The following CLOCK variants were observed in gnomAD, a reference collection of about 807,000 sequenced individuals.
CLOCK encodes clock circadian regulator, also known as circadian locomoter output cycles protein kaput.
CLOCK carries 43 observed loss-of-function variants against 118.4 expected under a neutral mutation model. The observed-to-expected ratio is 0.36, with a 90% confidence interval of 0.28 to 0.47. The LOEUF (loss-of-function observed/expected upper bound fraction) is 0.47. Ranked by LOEUF, CLOCK falls within the 20% of genes least tolerant of loss-of-function variation. The pLI, the probability that CLOCK is intolerant of heterozygous loss-of-function variation, is 1.00. For synonymous variants in CLOCK, 326 were observed against 339.2 expected (o/e 0.96, Z 0.43); for missense variants, 846 against 999.9 (o/e 0.85, Z 2.08).
intron 18 of CLOCK, among the ~76,000 whole-genome samples, chr4:55,448,527 A>C (rs957292531): frequency 2.0e-4 from 31 of 152,164 alleles, no homozygotes; most frequent in African/African-American, 7.2e-4. Context: ...ATGTCCCCAG[A>C]TATCCTAAAT....
intron 1 of CLOCK, chr4:55,545,580 G>A (rs1247173563): frequency 1.3e-5 from 2 of 152,096 alleles, no homozygotes; most frequent in African/African-American, 4.8e-5. Context: ...AAGTCTAATA[G>A]CACGGCATTC....
chr4:55,468,360 C>T (rs775620740), intron 8 of CLOCK, among the ~76,000 whole-genome samples: 1 of 152,108 alleles, frequency 6.6e-6, no homozygotes, highest in Admixed American at 6.5e-5. Flanking sequence ...AAAACTCCCC[C>T]CAAAAGCCTA....
At chr4:55,503,843 G>C (rs1728588257) in intron 2 of CLOCK, among the ~76,000 whole-genome samples, 1 of 151,816 alleles carries the variant, frequency 6.6e-6, no homozygotes, top group Admixed American at 6.6e-5. Flanking sequence ...CTTGAAGCTA[G>C]AGTTATCCAA....
chr4:55,543,202 T>C (rs1387847141), intron 1 of CLOCK, among the ~76,000 whole-genome samples: 2 of 152,218 alleles, frequency 1.3e-5, no homozygotes, highest in Admixed American at 6.5e-5. Flanking sequence ...ATTAAATCTA[T>C]ACCAGATAAA....
chr4:55,471,630 T>C (rs1443012737), intron 7 of CLOCK, among the ~76,000 whole-genome samples: 3 of 152,176 alleles, frequency 2.0e-5, no homozygotes, highest in Non-Finnish European at 2.9e-5. Context: ...TTAATAAAAA[T>C]GCAATTTTGT....
chr4:55,542,373 ATAATAATAT>A (rs781305123), intron 1 of CLOCK, among the ~76,000 whole-genome samples: 2,425 of 47,546 alleles, frequency 0.051, 64 homozygotes, highest in African/African-American at 0.17. Context: ...AATAATAATA[ATAATAATAT>A]TATTATTATT....
At chr4:55,493,992 C>T (rs1009979187) in intron 2 of CLOCK, among the ~76,000 whole-genome samples, 5 of 152,106 alleles carry the variant, frequency 3.3e-5, no homozygotes, top group East Asian at 1.9e-4. Context: ...ACTATTCCAA[C>T]GATTCAACTA....
intron 2 of CLOCK, among the ~76,000 whole-genome samples, chr4:55,492,670 C>T (rs1727796896): frequency 6.6e-6 from 1 of 152,020 alleles, no homozygotes; most frequent in African/African-American, 2.4e-5. Context: ...TATGGTGAAA[C>T]CCCATCTCTA....
Position 55,494,800 on chromosome 4 carries a change from T to C in CLOCK, c.-135-5335A>G, listed in dbSNP as rs545036700. On this transcript the variant is annotated intron_variant, in intron 2 of 22. Transcript: ENST00000513440. The stretch of plus-strand genomic sequence containing the variant: ...CAAGCCAAGGAATTCAGGTAGCCTC[T>C]ACAAGCTGGAAAAAACAAGGAAACA... Among the ~76,000 whole-genome samples, 31 of 152,278 alleles carry C rather than the reference T, an allele frequency of 2.0e-4. 1 individual carries two copies. In the South Asian group the frequency reaches 5.2e-3, roughly 25 times the overall value.
Position 55,513,290 on chromosome 4 carries a change from A to G in CLOCK, c.-289-3225T>C, listed in dbSNP as rs142389623. Among the ~76,000 whole-genome samples the G allele has an allele frequency of 2.1e-4, 32 of 152,312 alleles. 3 individuals carry two copies. The East Asian group carries it at 5.8e-3, about 28-fold the overall frequency. ...ATTCACTACAGTTAACATGCTGTAC[A>G]GTCTAGTAACAGTAGGCTACACCAT... On this transcript the variant is annotated intron_variant, in intron 1 of 22. Transcript: ENST00000513440.
chr4:55,544,678 G>A (rs989060413), intron 1 of CLOCK, among the ~76,000 whole-genome samples: 1 of 152,090 alleles, frequency 6.6e-6, no homozygotes, highest in African/African-American at 2.4e-5. Context: ...AATTATTTGG[G>A]GGAGGAGGAT....
chr4:55,464,248 A>T (rs1394146564), intron 8 of CLOCK, among the ~76,000 whole-genome samples: 1 of 152,156 alleles, frequency 6.6e-6, no homozygotes, highest in Non-Finnish European at 1.5e-5. Context: ...CCTTTATTTC[A>T]TCTTTTCCTG....
Position 55,445,122 on chromosome 4 carries a change from CACGTTTAACATATGATATGGTCT to C in CLOCK, c.1540-360_1540-338del, listed in dbSNP as rs1284151754. Among the ~76,000 whole-genome samples the C allele has an allele frequency of 4.3e-4, 29 of 68,064 alleles. 8 individuals carry two copies. Among genetic ancestry groups the C allele is most frequent in the South Asian group, 1.3e-3 (2 of 1,504 alleles). 44.7% of individuals were successfully genotyped at this position (68,064 alleles called of 152,430 possible). A position where few individuals can be genotyped will look rare whatever the true frequency, so the allele number is the denominator to read the frequency against. On this transcript the variant is annotated intron_variant, in intron 18 of 22. Coordinates refer to ENST00000513440, the MANE Select transcript of CLOCK (RefSeq NM_004898.4). ...GGGAAGCTTTTAATATTTTCTCAACCACGTTTAACATATGATATGGTCTGGTTATTGTTAATTTCTGAAATCAA... is the reference window on the plus strand; with the variant it reads ...GGGAAGCTTTTAATATTTTCTCAACCGGTTATTGTTAATTTCTGAAATCAA...
chr4:55,537,956 G>T (rs1263586600), intron 1 of CLOCK, among the ~76,000 whole-genome samples: 1 of 152,122 alleles, frequency 6.6e-6, no homozygotes, highest in Non-Finnish European at 1.5e-5. Context: ...ATAAAGACCA[G>T]GGCGGAAATA....
Position 55,435,205 on chromosome 4 carries a change from C to T in CLOCK, c.*210G>A. The T allele has an allele frequency of 3.4e-6, 2 of 595,264 alleles. No individual in the cohort carries two copies. The highest frequency in any genetic ancestry group is 6.0e-6 in the Non-Finnish European group (2 of 333,590). 36.9% of individuals were successfully genotyped at this position (595,264 alleles called of 1,614,324 possible). On this transcript the variant is annotated 3_prime_UTR_variant, in exon 23 of 23. Transcript: ENST00000513440. Reference sequence around the variant, plus strand: ...TAAAACACTGTCAGAACTGGCTATGCCCCTATGATCACCTCCTGCTGGCTG... The same window carrying T: ...TAAAACACTGTCAGAACTGGCTATGTCCCTATGATCACCTCCTGCTGGCTG...
At chr4:55,484,368 A>C (rs1467803086) in intron 3 of CLOCK, among the ~76,000 whole-genome samples, 1 of 152,000 alleles carries the variant, frequency 6.6e-6, no homozygotes, top group Non-Finnish European at 1.5e-5. Context: ...AAGAGTTCTT[A>C]AAAGAAAATG....
intron 1 of CLOCK, among the ~76,000 whole-genome samples, chr4:55,530,546 G>A (rs1278501820): frequency 6.6e-6 from 1 of 151,938 alleles, no homozygotes. Flanking sequence ...AGGCCGAGGA[G>A]GGTGGATCAC....
intron 1 of CLOCK, among the ~76,000 whole-genome samples, chr4:55,527,053 AAAGT>A: frequency 6.6e-6 from 1 of 152,262 alleles, no homozygotes; most frequent in East Asian, 1.9e-4. Flanking sequence ...TGAATACAAG[AAAGT>A]AATAAGTAAA....
intron 6 of CLOCK, 39 bp from the exon 7 acceptor site, chr4:55,476,093 A>G: frequency 1.5e-6 from 2 of 1,304,872 alleles, no homozygotes; most frequent in Non-Finnish European, 2.2e-6. Flanking sequence ...TACTCCAACC[A>G]CCGGAGGAGT....
Sources: gnomAD v4.1 joint callset for allele counts (sites outside exome capture counted in the v4.1 genomes callset) on GRCh38, gnomAD v4.1.1 for gene constraint, MANE v1.5 for transcripts, NCBI Gene and HGNC (gene_info 2026-07-23, HGNC 2026-07-21) for gene names.